The following PHACTR1 variants were observed in gnomAD, a reference collection of about 807,000 sequenced individuals.
PHACTR1 encodes the protein phosphatase and actin regulator 1.
PHACTR1 carries 16 observed loss-of-function variants against 69.2 expected under a neutral mutation model. The ratio of observed to expected loss-of-function variants is 0.23; its 90% CI spans 0.16 to 0.35. PHACTR1 has a LOEUF of 0.35. PHACTR1 is among the 10% of genes least tolerant of loss of function. The pLI is 1.00. For synonymous variants in PHACTR1, 312 were observed against 284.5 expected (o/e 1.10, Z -0.97); for missense variants, 510 against 734.7 (o/e 0.69, Z 3.54).
intron 4 of PHACTR1, among the ~76,000 whole-genome samples, chr6:12,833,233 T>A (rs1337250210): frequency 6.6e-6 from 1 of 151,922 alleles, no homozygotes; most frequent in Non-Finnish European, 1.5e-5. Flanking sequence ...TACTAGATAA[T>A]CTCTGCTCCA....
chr6:12,963,328 A>G (rs1322756200), intron 4 of PHACTR1, among the ~76,000 whole-genome samples: 1 of 152,210 alleles, frequency 6.6e-6, no homozygotes, highest in East Asian at 1.9e-4. Flanking sequence ...CGTTACCGGG[A>G]CCATTTGCAC....
At chr6:12,889,790 CTT>C (rs1289174457) in intron 4 of PHACTR1, among the ~76,000 whole-genome samples, 1 of 124,340 alleles carries the variant, frequency 8.0e-6, no homozygotes, top group Non-Finnish European at 1.6e-5. Context: ...CCTCCTTCTC[CTT>C]CTTCCTTTTT....
intron 4 of PHACTR1, among the ~76,000 whole-genome samples, chr6:13,044,237 G>A (rs1234999057): frequency 6.6e-6 from 1 of 152,090 alleles, no homozygotes; most frequent in Non-Finnish European, 1.5e-5. Flanking sequence ...CAGTTCTTAG[G>A]AAATATGAAG....
chr6:12,783,878 A>G (rs1403302457), intron 4 of PHACTR1, among the ~76,000 whole-genome samples: 2 of 152,210 alleles, frequency 1.3e-5, no homozygotes, highest in Non-Finnish European at 2.9e-5. Flanking sequence ...TGCTGTAGAA[A>G]TTCAGAGAAA....
intron 4 of PHACTR1, among the ~76,000 whole-genome samples, chr6:12,906,929 A>G (rs1785799851): frequency 6.6e-6 from 1 of 152,208 alleles, no homozygotes; most frequent in Admixed American, 6.5e-5. Flanking sequence ...ACCCATCAGA[A>G]CCACATGAAG....
At chr6:12,977,064 C>G (rs1562082718) in intron 4 of PHACTR1, among the ~76,000 whole-genome samples, 1 of 152,158 alleles carries the variant, frequency 6.6e-6, no homozygotes, top group Admixed American at 6.5e-5. Flanking sequence ...CTCCTGGGTT[C>G]AAGCTATTCT....
chr6:13,149,169 T>C (rs936175963), intron 5 of PHACTR1, among the ~76,000 whole-genome samples: 4 of 152,220 alleles, frequency 2.6e-5, no homozygotes, highest in African/African-American at 9.7e-5. Flanking sequence ...ATTTGCTTTC[T>C]GCAATCTGGT....
At chr6:13,108,392 C>G (rs1455899333) in intron 5 of PHACTR1, among the ~76,000 whole-genome samples, 2 of 151,996 alleles carry the variant, frequency 1.3e-5, no homozygotes, top group African/African-American at 4.8e-5. Flanking sequence ...TTAGATCAAG[C>G]TGGTTTAAAG....
chr6:13,270,787 G>C (rs574732457), intron 10 of PHACTR1, among the ~76,000 whole-genome samples: 123 of 152,136 alleles, frequency 8.1e-4, no homozygotes, highest in African/African-American at 2.8e-3. Flanking sequence ...TACTATAAAG[G>C]AATACCTGAG....
chr6:13,172,672 A>G (rs760085358), intron 6 of PHACTR1, among the ~76,000 whole-genome samples: 1 of 152,254 alleles, frequency 6.6e-6, no homozygotes, highest in Non-Finnish European at 1.5e-5. Context: ...TGTTTTAGGC[A>G]AAGGCTTCTC....
intron 4 of PHACTR1, among the ~76,000 whole-genome samples, chr6:12,986,707 A>G (rs962512111): frequency 3.3e-5 from 5 of 152,210 alleles, no homozygotes; most frequent in Non-Finnish European, 7.3e-5. Context: ...GAAGACACCT[A>G]CGGAAGATTG....
chr6:12,800,877 A>C (rs967732572), intron 4 of PHACTR1, among the ~76,000 whole-genome samples: 1 of 150,528 alleles, frequency 6.6e-6, no homozygotes. Flanking sequence ...TGTCACAGTG[A>C]GACCCTGTCT....
At chr6:12,769,355 T>C (rs1769087080) in intron 4 of PHACTR1, among the ~76,000 whole-genome samples, 1 of 152,224 alleles carries the variant, frequency 6.6e-6, no homozygotes, top group South Asian at 2.1e-4. Context: ...AAGTATAAAT[T>C]TAAATGTTAA....
intron 3 of PHACTR1, among the ~76,000 whole-genome samples, chr6:12,730,546 AAGGAAG>A (rs1313642935): frequency 6.6e-6 from 1 of 152,140 alleles, no homozygotes; most frequent in African/African-American, 2.4e-5. Flanking sequence ...AAATGCTGCA[AAGGAAG>A]AGGAAAAAGG....
intron 4 of PHACTR1, among the ~76,000 whole-genome samples, chr6:13,005,494 GTTATA>G (rs1345661388): frequency 1.3e-5 from 2 of 152,034 alleles, no homozygotes; most frequent in African/African-American, 4.8e-5. Flanking sequence ...GCTACAAACT[GTTATA>G]TTAATTTGTG....
At chr6:13,005,350 A>G (rs1798660601) in intron 4 of PHACTR1, among the ~76,000 whole-genome samples, 1 of 152,244 alleles carries the variant, frequency 6.6e-6, no homozygotes, top group Non-Finnish European at 1.5e-5. Flanking sequence ...ATGCATCCAT[A>G]CAACATACAT....
intron 4 of PHACTR1, among the ~76,000 whole-genome samples, chr6:12,780,112 A>G (rs1034536723): frequency 6.6e-6 from 1 of 152,226 alleles, no homozygotes; most frequent in African/African-American, 2.4e-5. Flanking sequence ...AGGAGAATTT[A>G]GGGACTCAAG....
chr6:12,777,233 A>T (rs1324682115), intron 4 of PHACTR1, among the ~76,000 whole-genome samples: 2 of 120,832 alleles, frequency 1.7e-5, no homozygotes, highest in Non-Finnish European at 3.5e-5. Flanking sequence ...ATATATATAT[A>T]TATATATATT....
intron 5 of PHACTR1, among the ~76,000 whole-genome samples, chr6:13,147,205 A>G (rs1025241960): frequency 6.6e-6 from 1 of 152,228 alleles, no homozygotes; most frequent in Non-Finnish European, 1.5e-5. Context: ...AGACGGAATT[A>G]TTTCTCATAA....
Sources: gnomAD v4.1 joint callset for allele counts (sites outside exome capture counted in the v4.1 genomes callset) on GRCh38, gnomAD v4.1.1 for gene constraint, MANE v1.5 for transcripts, NCBI Gene and HGNC (gene_info 2026-07-23, HGNC 2026-07-21) for gene names.